LRBA: variants seen among roughly 807,000 people sequenced by gnomAD.
LRBA encodes LPS responsive beige-like anchor protein.
LRBA carries 176 observed loss-of-function variants against 330.0 expected under a neutral mutation model. That is an observed-to-expected ratio of 0.53 (90% CI 0.47 to 0.60). The LOEUF (loss-of-function observed/expected upper bound fraction) is 0.60. LRBA is among the 20% of genes least tolerant of loss of function. The pLI, the probability that LRBA is intolerant of heterozygous loss-of-function variation, is 0.00. For synonymous variants in LRBA, 1,230 were observed against 1,193.0 expected, an observed-to-expected ratio of 1.03 and a Z score of -0.64; for missense variants, 3,259 against 3,444.8, an observed-to-expected ratio of 0.95 and a Z score of 1.35.
At chr4:150,422,027 G>A (rs1331428606) in intron 46 of LRBA, among the ~76,000 whole-genome samples, 1 of 152,212 alleles carries the variant, frequency 6.6e-6, no homozygotes, top group Non-Finnish European at 1.5e-5. Flanking sequence ...GGAGGCCAAG[G>A]TGGGAGGACT....
chr4:150,787,219 CA>C (rs1303754787), intron 34 of LRBA, among the ~76,000 whole-genome samples: 146 of 115,274 alleles, frequency 1.3e-3, no homozygotes, highest in Middle Eastern at 4.9e-3. Flanking sequence ...GACTCCATCT[CA>C]AAAAAAAAAA....
chr4:150,876,160 T>C lies in LRBA; in HGVS notation c.2166-3405A>G, dbSNP rs1265805154. Reference sequence around the variant, plus strand: ...AGCCTGAAGACCGATCTTTCAAATTTACCTGAACAAAAATTTTCAAAAACA... The same window carrying C: ...AGCCTGAAGACCGATCTTTCAAATTCACCTGAACAAAAATTTTCAAAAACA... On this transcript the variant is annotated intron_variant, in intron 17 of 56. Transcript: ENST00000651943. 6.6e-5 allele frequency among the ~76,000 whole-genome samples: 10 copies of C among 152,200 alleles called. No individual in the cohort carries two copies. In the East Asian group the frequency reaches 1.4e-3, roughly 21 times the overall value.
At chr4:150,643,760 A>G (rs576852515) in intron 37 of LRBA, among the ~76,000 whole-genome samples, 1 of 152,162 alleles carries the variant, frequency 6.6e-6, no homozygotes, top group East Asian at 1.9e-4. Flanking sequence ...TGCATAGCCT[A>G]TGAGCTAAGA....
intron 36 of LRBA, among the ~76,000 whole-genome samples, chr4:150,730,722 A>G (rs1040433110): frequency 6.6e-6 from 1 of 151,226 alleles, no homozygotes; most frequent in South Asian, 2.1e-4. Flanking sequence ...GAAAAGAAAG[A>G]AAAAGTGTTC....
intron 54 of LRBA, among the ~76,000 whole-genome samples, chr4:150,283,089 T>C (rs1747741788): frequency 6.6e-6 from 1 of 152,220 alleles, no homozygotes; most frequent in Non-Finnish European, 1.5e-5. Context: ...TGTGGGCCTA[T>C]GCAGGGACAG....
At chr4:150,745,167 T>G (rs780296352) in intron 35 of LRBA, among the ~76,000 whole-genome samples, 1 of 152,148 alleles carries the variant, frequency 6.6e-6, no homozygotes, top group Admixed American at 6.5e-5. Context: ...GACCAACACC[T>G]TTATTGTAGA....
intron 22 of LRBA, among the ~76,000 whole-genome samples, chr4:150,863,312 T>C (rs1250381370): frequency 6.6e-6 from 1 of 152,138 alleles, no homozygotes; most frequent in African/African-American, 2.4e-5. Context: ...ATATCCTTAT[T>C]CTAAAAGCTT....
intron 2 of LRBA, among the ~76,000 whole-genome samples, chr4:150,936,786 T>C (rs1735121385): frequency 6.6e-6 from 1 of 152,022 alleles, no homozygotes; most frequent in Non-Finnish European, 1.5e-5. Flanking sequence ...CAATTGTACA[T>C]CATTTCATAT....
chr4:150,714,476 A>G (rs1167810266), intron 36 of LRBA, among the ~76,000 whole-genome samples: 1 of 152,188 alleles, frequency 6.6e-6, no homozygotes, highest in African/African-American at 2.4e-5. Flanking sequence ...AGTAGCAAAC[A>G]AATCATAACT....
intron 36 of LRBA, among the ~76,000 whole-genome samples, chr4:150,693,563 CAAAA>C (rs70941428): frequency 1.9e-5 from 1 of 52,710 alleles, no homozygotes; most frequent in Non-Finnish European, 3.5e-5. Flanking sequence ...GACTCCGTCT[CAAAA>C]AAAAAAAAAA....
rs1003547817 is a variant in LRBA, at chr4:150,483,376, C to T, written c.6551+4356G>A. ...GTCTATCCTTAAATAACAAGCTATC[C>T]TAATGAATGTAATTTTATATTAAGT... On this transcript the variant is annotated intron_variant, in intron 42 of 56. Coordinates refer to ENST00000651943, the MANE Select transcript of LRBA (RefSeq NM_001364905.1). Among the ~76,000 whole-genome samples the T allele has an allele frequency of 6.6e-5, 10 of 151,842 alleles. No individual in the cohort carries two copies. The Admixed American group carries it at 6.6e-4, about 10-fold the overall frequency.
chr4:150,357,249 G>A (rs562924136), intron 47 of LRBA, among the ~76,000 whole-genome samples: 9 of 152,052 alleles, frequency 5.9e-5, no homozygotes, highest in South Asian at 2.1e-4. Flanking sequence ...TCAAGCACTC[G>A]TGCATCTTTT....
chr4:150,278,082 T>TA, intron 55 of LRBA, 78 bp from the exon 56 acceptor site: 1 of 1,241,534 alleles, frequency 8.1e-7, no homozygotes, highest in Non-Finnish European at 1.2e-6. Context: ...GAGTCATTCT[T>TA]ACACCAGCTA....
At chr4:150,324,539 G>A (rs1020953055) in intron 49 of LRBA, among the ~76,000 whole-genome samples, 6 of 146,214 alleles carry the variant, frequency 4.1e-5, no homozygotes, top group African/African-American at 1.5e-4. Flanking sequence ...AATCTTGGAA[G>A]AAGAAAGAAA....
chr4:150,770,320 T>TTGTC (rs928760525), intron 34 of LRBA, among the ~76,000 whole-genome samples: 3 of 152,154 alleles, frequency 2.0e-5, no homozygotes, highest in Non-Finnish European at 4.4e-5. Flanking sequence ...ATAAATTTCT[T>TTGTC]TGTCTGTATC....
At chr4:150,674,221 C>A (rs1582006134) in intron 37 of LRBA, among the ~76,000 whole-genome samples, 3 of 150,036 alleles carry the variant, frequency 2.0e-5, no homozygotes, top group Non-Finnish European at 3.0e-5. Context: ...AATTTGAAAA[C>A]AGGCTAAAGA....
intron 42 of LRBA, among the ~76,000 whole-genome samples, chr4:150,484,762 C>A (rs1581446781): frequency 6.6e-6 from 1 of 151,822 alleles, no homozygotes; most frequent in Non-Finnish European, 1.5e-5. Context: ...CTTACCCTCT[C>A]CCTTCTTAAA....
Position 150,287,203 on chromosome 4 carries a change from G to C in LRBA, c.8018-1169C>G, listed in dbSNP as rs189160477. 2.0e-5 allele frequency among the ~76,000 whole-genome samples: 3 copies of C among 152,286 alleles called. No homozygotes were observed. In the East Asian group the frequency reaches 5.8e-4, roughly 29 times the overall value. ...CAGACACCTGACTATCCTTGGAGCAGTCACCCACTCAGAGGAAGGAAGTCC... is the reference window on the plus strand; with the variant it reads ...CAGACACCTGACTATCCTTGGAGCACTCACCCACTCAGAGGAAGGAAGTCC... On this transcript the variant is annotated intron_variant, in intron 53 of 56. Transcript: ENST00000651943.
intron 48 of LRBA, among the ~76,000 whole-genome samples, chr4:150,347,095 C>G (rs1267795893): frequency 6.6e-6 from 1 of 152,114 alleles, no homozygotes. Context: ...AGATATTACG[C>G]TAAGTAAAAT....
Sources: allele counts gnomAD v4.1 joint callset (sites outside exome capture counted in the v4.1 genomes callset), GRCh38; gene constraint gnomAD v4.1.1; transcripts MANE v1.5; gene names NCBI Gene and HGNC (gene_info 2026-07-23, HGNC 2026-07-21).